The following VRK2 variants were observed in gnomAD, a reference collection of about 807,000 sequenced individuals.
The protein encoded by VRK2 is VRK serine/threonine kinase 2.
VRK2 carries 60 observed loss-of-function variants against 57.6 expected under a neutral mutation model. That is an observed-to-expected ratio of 1.04 (90% CI 0.85 to 1.29). The LOEUF (loss-of-function observed/expected upper bound fraction) is 1.29, where lower values mean the gene tolerates loss of function less well. VRK2 is among the 50% of genes most tolerant of loss of function. The pLI is 0.00. For missense variants in VRK2, 705 were observed against 588.1 expected (o/e 1.20, Z -2.06); for synonymous variants, 231 against 199.2 (o/e 1.16, Z -1.35).
chr2:58,054,806 G>T (rs1676274929), intron 2 of VRK2, among the ~76,000 whole-genome samples: 2 of 152,108 alleles, frequency 1.3e-5, no homozygotes, highest in South Asian at 4.1e-4. Context: ...GTTTGTCCCT[G>T]ATAGCTCCAT....
In VRK2 at chr2:57,947,324, T is replaced by C. The variant is rs138409877; in HGVS notation, c.-439+39485T>C. Among the ~76,000 whole-genome samples, 351 of 152,310 alleles carry C rather than the reference T, an allele frequency of 2.3e-3. 1 individual carries two copies. Among genetic ancestry groups the C allele is most frequent in the Non-Finnish European group, 4.4e-3 (299 of 68,004 alleles). ...TAATATTCCTGGATTAGTATTAGTA[T>C]GTAATATGTTGTTGGGCACCAAATA... On this transcript the variant is annotated intron_variant, in intron 1 of 15. Transcript: ENST00000417641.
intron 7 of VRK2, among the ~76,000 whole-genome samples, 176 bp downstream of exon 7, chr2:58,089,899 G>A (rs1672131634): frequency 6.6e-6 from 1 of 152,124 alleles, no homozygotes. Context: ...GAGTAATTAG[G>A]ATGAGAAACT....
intron 7 of VRK2, among the ~76,000 whole-genome samples, chr2:58,107,869 T>C (rs1402631734): frequency 6.6e-6 from 1 of 152,126 alleles, no homozygotes; most frequent in Non-Finnish European, 1.5e-5. Flanking sequence ...ACTTCTTATA[T>C]CAACGTCGTA....
intron 7 of VRK2, among the ~76,000 whole-genome samples, chr2:58,092,726 T>C (rs578025565): frequency 2.6e-5 from 4 of 152,242 alleles, no homozygotes; most frequent in East Asian, 3.9e-4. Flanking sequence ...AGGTTTGTTA[T>C]ATATGTATAC....
At chr2:57,964,896 A>C (rs1402925253) in intron 1 of VRK2, among the ~76,000 whole-genome samples, 13 of 151,174 alleles carry the variant, frequency 8.6e-5, no homozygotes, top group Admixed American at 6.6e-5. Context: ...AAAAAAAAAA[A>C]AAAAAAAAAA....
chr2:57,912,332 A>G (rs774855754), intron 1 of VRK2, among the ~76,000 whole-genome samples: 27 of 152,346 alleles, frequency 1.8e-4, no homozygotes, highest in Non-Finnish European at 2.9e-4. Context: ...GTGGAGTCCA[A>G]GAGTGTCCAA....
At chr2:57,908,665 T>C (rs192286939) in intron 1 of VRK2, among the ~76,000 whole-genome samples, 10 of 152,322 alleles carry the variant, frequency 6.6e-5, no homozygotes, top group African/African-American at 2.4e-4. Context: ...CTAAACTGTG[T>C]GTGACAGGTT....
intron 1 of VRK2, among the ~76,000 whole-genome samples, chr2:57,955,524 T>C (rs1671561345): frequency 6.6e-6 from 1 of 152,140 alleles, no homozygotes; most frequent in Non-Finnish European, 1.5e-5. Context: ...GGAATATAAT[T>C]GACAGCAAAA....
At position 57,994,355 on chromosome 2, in the gene VRK2, G is replaced by A. The variant is rs549116598; in HGVS notation, c.-438-31310G>A. On this transcript the variant is annotated intron_variant, in intron 1 of 15. Coordinates refer to the VRK2 transcript ENST00000417641. ...TTTAAAGAGATAGGGACATCCATCAGTGTCAATAATCTGGTAAATTTAATG... is the reference window on the plus strand; with the variant it reads ...TTTAAAGAGATAGGGACATCCATCAATGTCAATAATCTGGTAAATTTAATG... 9.2e-5 allele frequency among the ~76,000 whole-genome samples: 14 copies of A among 152,262 alleles called. No individual in the cohort carries two copies. The South Asian group carries it at 1.2e-3, about 14-fold the overall frequency.
chr2:58,132,702 G>A (rs887964267), intron 9 of VRK2, among the ~76,000 whole-genome samples: 1 of 152,110 alleles, frequency 6.6e-6, no homozygotes, highest in African/African-American at 2.4e-5. Context: ...CAACAGAAGA[G>A]TACAAAGCCA....
chr2:58,133,457 C>T (rs967074509), intron 9 of VRK2, among the ~76,000 whole-genome samples: 1 of 152,118 alleles, frequency 6.6e-6, no homozygotes, highest in East Asian at 1.9e-4. Context: ...AATACATAAT[C>T]ATAATTTATT....
Position 58,126,377 on chromosome 2 carries a change from TTTCTATGGATTGAGTTTTTA to T in VRK2, c.676+3146_676+3165del, listed in dbSNP as rs1333640567. On this transcript the variant is annotated intron_variant, in intron 8 of 12. Coordinates refer to ENST00000340157, the MANE Select transcript of VRK2 (RefSeq NM_006296.7). Reference sequence around the variant, plus strand: ...TTAAAAACTCAAGCTAAATCTCATTTTTCTATGGATTGAGTTTTTATAATGAAGGAACTTGTATAAGCTGC... The same window carrying T: ...TTAAAAACTCAAGCTAAATCTCATTTTAATGAAGGAACTTGTATAAGCTGC... Among the ~76,000 whole-genome samples, 49 of 152,294 alleles carry T rather than the reference TTTCTATGGATTGAGTTTTTA, an allele frequency of 3.2e-4. No individual in the cohort carries two copies. The South Asian group carries it at 9.5e-3, about 30-fold the overall frequency.
chr2:57,920,211 G>A (rs1038191340), intron 1 of VRK2, among the ~76,000 whole-genome samples: 13 of 152,116 alleles, frequency 8.5e-5, no homozygotes, highest in Admixed American at 8.5e-4. Flanking sequence ...AAGCTGTGCA[G>A]TGCATACACT....
chr2:58,086,562 T>A, intron 5 of VRK2, 136 bp downstream of exon 5: 1 of 667,204 alleles, frequency 1.5e-6, no homozygotes. Context: ...TTAGTTTCTG[T>A]GAGTGAGGAG....
intron 2 of VRK2, among the ~76,000 whole-genome samples, chr2:58,059,692 T>C (rs1677045891): frequency 6.6e-6 from 1 of 151,872 alleles, no homozygotes. Context: ...GTAGTAATGA[T>C]TATTATATAC....
chr2:58,045,946 C>T (rs1441975749), upstream of VRK2, among the ~76,000 whole-genome samples: 2 of 152,296 alleles, frequency 1.3e-5, no homozygotes, highest in African/African-American at 2.4e-5. Flanking sequence ...TGGGTTCAAG[C>T]GCTTCTCCTA....
chr2:58,001,065 A>T (rs1373529908), intron 1 of VRK2, among the ~76,000 whole-genome samples: 1 of 152,196 alleles, frequency 6.6e-6, no homozygotes, highest in African/African-American at 2.4e-5. Context: ...AAAATAATAA[A>T]CCACTTCTTA....
At chr2:57,946,983 A>C (rs547204313) in intron 1 of VRK2, among the ~76,000 whole-genome samples, 2 of 152,110 alleles carry the variant, frequency 1.3e-5, no homozygotes, top group African/African-American at 4.8e-5. Flanking sequence ...GCCAAAAAAA[A>C]TTTTTTGTCC....
chr2:58,108,947 A>C (rs1022832232), intron 7 of VRK2, among the ~76,000 whole-genome samples: 1 of 152,234 alleles, frequency 6.6e-6, no homozygotes, highest in African/African-American at 2.4e-5. Flanking sequence ...AAAAGATCTT[A>C]AAATAACTTC....
Sources: allele counts gnomAD v4.1 joint callset (sites outside exome capture counted in the v4.1 genomes callset), GRCh38; gene constraint gnomAD v4.1.1; transcripts MANE v1.5; gene names NCBI Gene and HGNC (gene_info 2026-07-23, HGNC 2026-07-21).